Variants in MYBPH observed in about 807,000 individuals in gnomAD.
The protein encoded by MYBPH is myosin binding protein H.
In MYBPH, 49 loss-of-function variants were observed where a neutral mutation model predicts 53.6. The observed-to-expected ratio is 0.91, with a 90% CI of 0.73 to 1.16. The LOEUF is 1.16. Ranked by LOEUF, MYBPH falls within the 50% of genes most tolerant of loss-of-function variation. MYBPH has a pLI of 0.00. For synonymous variants in MYBPH, 239 were observed against 249.6 expected, an observed-to-expected ratio of 0.96 and a Z score of 0.40; for missense variants, 558 against 624.1, an observed-to-expected ratio of 0.89 and a Z score of 1.13.
intron 7 of MYBPH, 103 bp from the exon 8 acceptor site, chr1:203,169,492 T>G: frequency 6.8e-7 from 1 of 1,475,116 alleles, no homozygotes; most frequent in Non-Finnish European, 9.3e-7. Context: ...AAGTCGTGGC[T>G]TATTTGCAGG....
intron 6 of MYBPH, among the ~76,000 whole-genome samples, chr1:203,170,743 C>A (rs1291011017): frequency 6.6e-6 from 1 of 152,180 alleles, no homozygotes; most frequent in Non-Finnish European, 1.5e-5. Flanking sequence ...CCTCAGCCCC[C>A]ACCCTGGACC....
At chr1:203,168,820 T>C in intron 9 of MYBPH, 86 bp downstream of exon 9, 1 of 1,584,258 alleles carries the variant, frequency 6.3e-7, no homozygotes, top group Non-Finnish European at 8.6e-7. Context: ...ACCCCTTCTC[T>C]TCGGCCTTGA....
rs1266385779 is a variant in MYBPH at position 203,169,315 on chromosome 1, C to T, written c.1168G>A (p.Asp390Asn). The T allele has an allele frequency of 6.2e-7, 1 of 1,613,036 alleles. No individual in the cohort carries two copies. The highest frequency in any genetic ancestry group is 1.3e-5 in the African/African-American group (1 of 74,908). ...CTGTAGCCAGGGGTGGAGGTGTGGT[C>T]AGCCAGGGGCTGGGTGAATGAGGGG... is the stretch of plus-strand genomic sequence containing the variant. The part of the protein sequence containing the change: ...EAPSFTQPLA[D>N]HTSTPGYSTQ... Residue 390 changes from aspartate (D) to asparagine (N), a missense_variant, in exon 8 of 11, where the codon GAC (aspartate) becomes AAC (asparagine). Physicochemically the swap from Asp to Asn is conservative, Grantham distance 23 (BLOSUM62 1). Transcript: ENST00000255416.
intron 3 of MYBPH, among the ~76,000 whole-genome samples, chr1:203,173,204 G>A (rs911160981): frequency 3.3e-5 from 5 of 152,220 alleles, no homozygotes; most frequent in Non-Finnish European, 5.9e-5. Context: ...GGCCTCAGGG[G>A]CCTCTCAGAG....
rs530402055 is a variant in MYBPH at position 203,173,337 on chromosome 1, C to T, written c.508+1093G>A. Among the ~76,000 whole-genome samples the T allele has an allele frequency of 1.1e-3, 170 of 152,320 alleles. 1 individual carries two copies. The highest frequency in any genetic ancestry group is 4.0e-3 in the African/African-American group (168 of 41,580). On this transcript the variant is annotated intron_variant, in intron 3 of 10. Coordinates refer to ENST00000255416, the MANE Select transcript of MYBPH (RefSeq NM_004997.3). The stretch of plus-strand genomic sequence containing the variant: ...GCTGCCTGGTGGGGCCACATCTCAC[C>T]TAGAGCCAAAGGCTGGGAATTAGGG...
chr1:203,169,020 C>T lies in MYBPH; in HGVS notation c.1303G>A (p.Gly435Ser), dbSNP rs776346065. The T allele has an allele frequency of 1.2e-6, 2 of 1,613,752 alleles. No individual in the cohort carries two copies. Among genetic ancestry groups the T allele is most frequent in the Non-Finnish European group, 1.7e-6 (2 of 1,180,040 alleles). Residue 435 changes from glycine (G) to serine (S), a missense_variant, in exon 9 of 11, where the codon GGC becomes AGC. By Grantham distance (56) the Gly-to-Ser change is moderately conservative. Coordinates refer to ENST00000255416, the MANE Select transcript of MYBPH (RefSeq NM_004997.3). The part of the protein sequence containing the change: ...NPKYRALSEQ[G>S]VCTLEIRKPS... ...TTCCGGATCTCTAGGGTGCAGACGC[C>T]TTGCTCAGAGAGGGCGCGGTATTTG... is the stretch of plus-strand genomic sequence containing the variant.
At chr1:203,174,325 C>T (rs1553271097) in intron 3 of MYBPH, 105 bp downstream of exon 3, 34 of 1,480,464 alleles carry the variant, frequency 2.3e-5, no homozygotes, top group Admixed American at 4.6e-5. Context: ...GAGCGTGGGA[C>T]GGGGGAAATG....
Position 203,171,374 on chromosome 1 carries a change from G to A in MYBPH, c.793+9C>T, listed in dbSNP as rs1655692377. On this transcript the variant is annotated intron_variant, in intron 5 of 10. Transcript: ENST00000255416. This position sits in a 1 kb window ranked among gnomAD's most constrained non-coding sequence, Gnocchi z 4.2. Reference sequence around the variant, plus strand: ...CCCATGAGACAGCACTGTTCCCCTGGCTCCATACCAATCACCAGGATGTCA... The same window carrying A: ...CCCATGAGACAGCACTGTTCCCCTGACTCCATACCAATCACCAGGATGTCA... The A allele has an allele frequency of 1.2e-6, 2 of 1,609,912 alleles. No individual in the cohort carries two copies. The highest frequency in any genetic ancestry group is 1.7e-5 in the Admixed American group (1 of 59,794).
chr1:203,176,536 G>A (rs1047012426), upstream of MYBPH, among the ~76,000 whole-genome samples: 2 of 152,110 alleles, frequency 1.3e-5, no homozygotes, highest in African/African-American at 4.8e-5. Context: ...TTCGGGATGG[G>A]TTGCAGTTGT....
intron 8 of MYBPH, 58 bp downstream of exon 8, chr1:203,169,195 C>T (rs1389689925): frequency 3.2e-6 from 5 of 1,576,566 alleles, no homozygotes; most frequent in Non-Finnish European, 4.3e-6. Flanking sequence ...GATTCCTCAG[C>T]CCTGCTGTCC....
In MYBPH at chr1:203,171,951, C is replaced by T. The variant is rs1369444502; in HGVS notation, c.597+1G>A. On this transcript the variant is annotated splice_donor_variant, in intron 4 of 10. Coordinates refer to ENST00000255416, the MANE Select transcript of MYBPH (RefSeq NM_004997.3). LOFTEE classifies it high-confidence loss of function. This position sits in a 1 kb window ranked among gnomAD's most constrained non-coding sequence, Gnocchi z 4.2. ...TTACCCTTGGTGGGGGTAATACCCACCTGGAAGGGGATTTGCAGGTTGACC... is the reference window on the plus strand; with the variant it reads ...TTACCCTTGGTGGGGGTAATACCCATCTGGAAGGGGATTTGCAGGTTGACC... 6 of 1,318,268 alleles carry T rather than the reference C, an allele frequency of 4.6e-6. No homozygotes were observed. The highest frequency in any genetic ancestry group is 5.8e-6 in the Non-Finnish European group (6 of 1,026,058). The allele number at this position is 1,318,268 out of a possible 1,614,324, so 81.7% of individuals were successfully genotyped here.
intron 3 of MYBPH, 142 bp downstream of exon 3, chr1:203,174,288 T>A: frequency 7.2e-7 from 1 of 1,380,764 alleles, no homozygotes; most frequent in Non-Finnish European, 9.4e-7. Context: ...TAAGGCAAGA[T>A]GGTGATAGCG....
Position 203,170,473 on chromosome 1 carries a change from C to T in MYBPH, c.934-23G>A, listed in dbSNP as rs199616179. On this transcript the variant is annotated intron_variant, in intron 6 of 10. Transcript: ENST00000255416. ...TTGCTGCAGGGCCCCGGGTGTCACC[C>T]TCATTTCTCACCCCTGTCCTCACCC... The T allele has an allele frequency of 1.8e-5, 29 of 1,611,166 alleles. No homozygotes were observed. The South Asian group carries it at 3.1e-4, about 17-fold the overall frequency.
chr1:203,174,898 G>C (rs1175960465), intron 2 of MYBPH, among the ~76,000 whole-genome samples: 1 of 152,042 alleles, frequency 6.6e-6, no homozygotes, highest in East Asian at 1.9e-4. Context: ...CCATGGAGGG[G>C]GACAGTGGCA....
chr1:203,171,555 T>C lies in MYBPH; in HGVS notation c.621A>G (p.Thr207=), dbSNP rs770633658. 1.9e-5 allele frequency: 31 copies of C among 1,612,904 alleles called. No individual in the cohort carries two copies. The highest frequency in any genetic ancestry group is 2.5e-5 in the Non-Finnish European group (30 of 1,179,832). ...CCAGGGCATGGCCGTTGTGGGTCCA[T>C]GTGGCCTGAGGCTTAGGCTTCCCCT... ...PFQGKPKPQA[T]WTHNGHALDS... The change falls in exon 5 of 11, where the codon ACA becomes ACG. Residue 207 remains threonine, a synonymous_variant. Coordinates refer to ENST00000255416, the MANE Select transcript of MYBPH (RefSeq NM_004997.3). This position sits in a 1 kb window ranked among gnomAD's most constrained non-coding sequence, Gnocchi z 4.2.
Position 203,170,309 on chromosome 1 carries a change from C to T in MYBPH, c.1075G>A (p.Ala359Thr), listed in dbSNP as rs199619329. The T allele has an allele frequency of 5.6e-6, 9 of 1,613,956 alleles. No individual in the cohort carries two copies. Among genetic ancestry groups the T allele is most frequent in the African/African-American group, 1.3e-5 (1 of 74,892 alleles). Residue 359 changes from alanine (A) to threonine (T), a missense_variant, in exon 7 of 11, where the codon GCC (alanine) becomes ACC (threonine). Ala to Thr is a moderately conservative substitution (Grantham distance 58). Coordinates refer to ENST00000255416, the MANE Select transcript of MYBPH (RefSeq NM_004997.3). Reference sequence around the variant, plus strand: ...AACCCACCTGCCTTCTGGATGTGGGCGAGCTCCTTGGTGACGGTGGCCGAG... The same window carrying T: ...AACCCACCTGCCTTCTGGATGTGGGTGAGCTCCTTGGTGACGGTGGCCGAG... ...STSATVTKEL[A>T]HIQKADIAAK...
Position 203,175,603 on chromosome 1 carries a change from G to C in MYBPH, c.153C>G (p.Ala51=). 1 of 1,613,900 alleles carries C rather than the reference G, an allele frequency of 6.2e-7. No individual in the cohort carries two copies. Among genetic ancestry groups the C allele is most frequent in the Non-Finnish European group, 8.5e-7 (1 of 1,180,012 alleles). The change falls in exon 1 of 11, where the codon GCC becomes GCG. Residue 51 remains alanine, a synonymous_variant. Coordinates refer to ENST00000255416, the MANE Select transcript of MYBPH (RefSeq NM_004997.3). ...CTGTGGAGGCTGTAGGGGCCTGTGGGGCAGGGGCCTGCGGCTTGGGCACCT... is the reference window on the plus strand; with the variant it reads ...CTGTGGAGGCTGTAGGGGCCTGTGGCGCAGGGGCCTGCGGCTTGGGCACCT... The part of the protein sequence containing the change: ...EEQVPKPQAP[A]PQAPTASTAT...
At chr1:203,175,177 G>A (rs1294860698) in intron 2 of MYBPH, 150 bp downstream of exon 2, 26 of 920,130 alleles carry the variant, frequency 2.8e-5, no homozygotes. Context: ...AGCAAGAAAG[G>A]GCAGGTGGGT....
At chr1:203,168,707 G>A (rs1655633581) in intron 9 of MYBPH, 32 bp from the exon 10 acceptor site, 3 of 1,582,758 alleles carry the variant, frequency 1.9e-6, no homozygotes, top group Non-Finnish European at 1.7e-6. Flanking sequence ...GAGCTTGGGG[G>A]AAGTGGCGGG....
Sources: gnomAD v4.1 joint callset for allele counts (sites outside exome capture counted in the v4.1 genomes callset) on GRCh38, gnomAD v4.1.1 for gene constraint, Gnocchi (gnomAD v3.1) non-coding constraint, MANE v1.5 for transcripts, NCBI Gene and HGNC (gene_info 2026-07-23, HGNC 2026-07-21) for gene names.